The following ZNF18 variants were observed in gnomAD, a reference collection of about 807,000 sequenced individuals.
ZNF18 encodes the protein heart development-specific gene 1 protein.
ZNF18 carries 42 observed loss-of-function variants against 58.1 expected under a neutral mutation model. The observed-to-expected ratio is 0.72, with a 90% confidence interval of 0.56 to 0.93. The LOEUF (loss-of-function observed/expected upper bound fraction) is 0.93, where lower values mean the gene tolerates loss of function less well. Ranked by LOEUF, ZNF18 falls within the 40% of genes least tolerant of loss-of-function variation. The pLI is 0.00. For missense variants in ZNF18, 540 were observed against 644.2 expected, an observed-to-expected ratio of 0.84 and a Z score of 1.75; for synonymous variants, 231 against 239.8, an observed-to-expected ratio of 0.96 and a Z score of 0.34.
At chr17:12,018,928 CTA>C in the ZNF18 span, among the ~76,000 whole-genome samples, 3 of 150,110 alleles carry the variant, frequency 2.0e-5, no homozygotes. Flanking sequence ...GAAGGTTTTC[CTA>C]TATATATATA....
chr17:12,007,920 T>C, the ZNF18 span, among the ~76,000 whole-genome samples: 1 of 151,832 alleles, frequency 6.6e-6, no homozygotes, highest in African/African-American at 2.4e-5. Context: ...AGAGAGAAGA[T>C]GATTGGAATT....
At chr17:12,018,068 T>A in the ZNF18 span, among the ~76,000 whole-genome samples, 1 of 152,210 alleles carries the variant, frequency 6.6e-6, no homozygotes, top group Non-Finnish European at 1.5e-5. Context: ...CTTAATTTGT[T>A]ATTTTCATCT....
chr17:11,998,680 C>T (rs1316989780), upstream of ZNF18, among the ~76,000 whole-genome samples: 3 of 152,052 alleles, frequency 2.0e-5, no homozygotes, highest in African/African-American at 2.4e-5. Flanking sequence ...AAGCTTGATG[C>T]GGGGATGGGA....
intron 2 of ZNF18, 41 bp from the exon 3 acceptor site, chr17:11,991,204 G>A: frequency 1.9e-6 from 3 of 1,540,108 alleles, no homozygotes; most frequent in Non-Finnish European, 2.7e-6. Flanking sequence ...GAAGAATCCA[G>A]AGTAAGGATC....
intron 4 of ZNF18, among the ~76,000 whole-genome samples, chr17:11,986,725 T>C (rs79099864): frequency 0.01 from 1,578 of 152,310 alleles, 29 homozygotes; most frequent in African/African-American, 0.036. Flanking sequence ...CACATGGACC[T>C]TGGCTTCAGT....
At chr17:12,014,238 T>C in the ZNF18 span, among the ~76,000 whole-genome samples, 2 of 152,212 alleles carry the variant, frequency 1.3e-5, no homozygotes, top group Non-Finnish European at 2.9e-5. Context: ...GTTCCTCAAA[T>C]GGTTAAACAT....
At chr17:12,011,296 G>T in the ZNF18 span, 1 of 277,232 alleles carries the variant, frequency 3.6e-6, no homozygotes, top group Non-Finnish European at 6.9e-6. Flanking sequence ...GAATATAAAT[G>T]TATGGTAATA....
At chr17:12,017,208 T>A in the ZNF18 span, among the ~76,000 whole-genome samples, 1 of 151,728 alleles carries the variant, frequency 6.6e-6, no homozygotes, top group South Asian at 2.1e-4. Flanking sequence ...AAAAAAAAAA[T>A]TAGTAACATC....
chr17:11,997,391 G>T (rs1968539874), intron 1 of ZNF18, 40 bp downstream of exon 1: 1 of 152,224 alleles, frequency 6.6e-6, no homozygotes, highest in Admixed American at 6.5e-5. Context: ...GCCTGACCCC[G>T]AGCGGCCGGA....
At chr17:11,983,224 C>T in intron 6 of ZNF18, 73 bp downstream of exon 6, 1 of 1,181,856 alleles carries the variant, frequency 8.5e-7, no homozygotes, top group Non-Finnish European at 1.3e-6. Flanking sequence ...ACCTCCTTCA[C>T]CACCTCCCCA....
the ZNF18 span, among the ~76,000 whole-genome samples, chr17:12,011,739 C>T: frequency 5.7e-5 from 7 of 122,282 alleles, no homozygotes; most frequent in African/African-American, 2.2e-4. Flanking sequence ...CTAGTTCTGT[C>T]GCCCAGGCTG....
At chr17:12,006,433 A>G in the ZNF18 span, among the ~76,000 whole-genome samples, 22 of 152,222 alleles carry the variant, frequency 1.4e-4, no homozygotes, top group African/African-American at 4.1e-4. Flanking sequence ...TAGGACTGTT[A>G]AGAGAATTAA....
chr17:12,021,055 C>A, the ZNF18 span: 1 of 1,088,688 alleles, frequency 9.2e-7, no homozygotes, highest in South Asian at 4.6e-5. Context: ...CAACCCGCGT[C>A]GTCGCGGCCT....
At chr17:12,003,837 T>C in the ZNF18 span, among the ~76,000 whole-genome samples, 4 of 152,238 alleles carry the variant, frequency 2.6e-5, no homozygotes, top group African/African-American at 9.6e-5. Flanking sequence ...TACAACGGAC[T>C]GGCCAGCTCC....
At chr17:12,009,233 A>AGACAATTT in the ZNF18 span, 1 of 152,086 alleles carries the variant, frequency 6.6e-6, no homozygotes, top group African/African-American at 2.4e-5. Context: ...GGGTTGGTGT[A>AGACAATTT]GACAATTTTT....
Position 11,990,443 on chromosome 17 carries a change from C to T in ZNF18, c.666+19G>A. ...AAGGTAAAAAGTTTCCTTTTCATCG[C>T]TTTTGTACGTCAGCTCACCTGAGGT... is the stretch of plus-strand genomic sequence containing the variant. On this transcript the variant is annotated intron_variant, in intron 4 of 6. Coordinates refer to ENST00000580306, the MANE Select transcript of ZNF18 (RefSeq NM_001303281.2). 1 of 1,606,168 alleles carries T rather than the reference C, an allele frequency of 6.2e-7. No homozygotes were observed.
the ZNF18 span, among the ~76,000 whole-genome samples, chr17:12,006,853 A>G: frequency 6.6e-6 from 1 of 152,208 alleles, no homozygotes; most frequent in Middle Eastern, 3.2e-3. Context: ...GAAACATGAT[A>G]AAAGTCTCAA....
Position 11,977,773 on chromosome 17 carries a change from A to G in ZNF18, c.*184T>C. 1.6e-6 allele frequency: 1 copy of G among 611,434 alleles called. No homozygotes were observed. Among genetic ancestry groups the G allele is most frequent in the Non-Finnish European group, 2.7e-6 (1 of 375,692 alleles). The allele number at this position is 611,434 out of a possible 1,614,324, so 37.9% of individuals were successfully genotyped here. Reference sequence around the variant, plus strand: ...TGAGGCAGAATCAAGAATTTAAGCCATTGTGCAATCCAATCCAAGATATCC... The same window carrying G: ...TGAGGCAGAATCAAGAATTTAAGCCGTTGTGCAATCCAATCCAAGATATCC... On this transcript the variant is annotated 3_prime_UTR_variant, in exon 7 of 7. Coordinates refer to ENST00000580306, the MANE Select transcript of ZNF18 (RefSeq NM_001303281.2).
chr17:12,000,814 AAAT>A (rs1567613123), upstream of ZNF18, among the ~76,000 whole-genome samples: 1 of 152,208 alleles, frequency 6.6e-6, no homozygotes, highest in Non-Finnish European at 1.5e-5. Context: ...CAGGAGTATA[AAAT>A]CACTGGTGAC....
Sources: allele counts gnomAD v4.1 joint callset (sites outside exome capture counted in the v4.1 genomes callset), GRCh38; gene constraint gnomAD v4.1.1; transcripts MANE v1.5; gene names NCBI Gene and HGNC (gene_info 2026-07-23, HGNC 2026-07-21).